Variants in PTK2 observed in about 807,000 individuals in gnomAD.
PTK2 encodes the protein focal adhesion kinase 1.
A neutral mutation model predicts 150.1 loss-of-function variants in PTK2; 45 were observed. The observed-to-expected ratio is 0.30, with a 90% confidence interval of 0.24 to 0.38. The LOEUF (loss-of-function observed/expected upper bound fraction) is 0.38, where lower values mean the gene tolerates loss of function less well. PTK2 is among the 10% of genes least tolerant of loss of function. PTK2 has a pLI of 1.00. For synonymous variants in PTK2, 432 were observed against 449.2 expected (o/e 0.96, Z 0.48); for missense variants, 919 against 1,307.3 (o/e 0.70, Z 4.58).
At chr8:140,730,545 G>T (rs1225686561) in intron 22 of PTK2, among the ~76,000 whole-genome samples, 1 of 152,196 alleles carries the variant, frequency 6.6e-6, no homozygotes, top group East Asian at 1.9e-4. Flanking sequence ...GATTTCTGGG[G>T]TGCTGGTAGT....
At chr8:140,802,538 T>C (rs1205336212) in intron 11 of PTK2, among the ~76,000 whole-genome samples, 1 of 152,158 alleles carries the variant, frequency 6.6e-6, no homozygotes, top group Non-Finnish European at 1.5e-5. Context: ...GTATATGGTG[T>C]GTACAGTGTT....
chr8:140,674,110 A>C (rs113795046), intron 29 of PTK2, 188 bp downstream of exon 32: 3 of 749,542 alleles, frequency 4.0e-6, no homozygotes. Flanking sequence ...GTTTGCATAA[A>C]GCTTTTCCCT....
chr8:140,996,533 C>A (rs2100197849), intron 1 of PTK2, among the ~76,000 whole-genome samples: 1 of 152,178 alleles, frequency 6.6e-6, no homozygotes, highest in South Asian at 2.1e-4. Flanking sequence ...TGGGCTGACT[C>A]TCGTTAGGGG....
chr8:140,849,889 C>T (rs1423779946), intron 5 of PTK2, among the ~76,000 whole-genome samples: 1 of 152,216 alleles, frequency 6.6e-6, no homozygotes, highest in Admixed American at 6.5e-5. Context: ...TTTGTACCTA[C>T]TACTTGTCAA....
chr8:140,676,765 TAAAAAA>T lies in PTK2; in HGVS notation c.2563-1272_2563-1267del, dbSNP rs869199304. ...ACATGGTGAAACCCCGTCTCTACTT[TAAAAAA>T]AAAAAAAAAAAAAAAAAATAGCCAG... On this transcript the variant is annotated intron_variant, in intron 27 of 31. Transcript: ENST00000522684. Among the ~76,000 whole-genome samples, 7 of 55,570 alleles carry T rather than the reference TAAAAAA, an allele frequency of 1.3e-4. No individual in the cohort carries two copies. The South Asian group carries it at 3.5e-3, about 27-fold the overall frequency. 36.5% of individuals were successfully genotyped at this position (55,570 alleles called of 152,430 possible).
chr8:140,951,430 A>ACTT, intron 1 of PTK2, among the ~76,000 whole-genome samples: 1 of 152,316 alleles, frequency 6.6e-6, no homozygotes, highest in East Asian at 1.9e-4. Flanking sequence ...AATGGATTGG[A>ACTT]AGCCAGACTT....
At chr8:140,846,514 G>A (rs776166472) in intron 6 of PTK2, 85 bp downstream of exon 6, 2 of 1,243,462 alleles carry the variant, frequency 1.6e-6, no homozygotes, top group African/African-American at 3.0e-5. Context: ...TAATCCTTAT[G>A]AAGAAAAGGA....
intron 26 of PTK2, among the ~76,000 whole-genome samples, chr8:140,696,783 CTG>C (rs1211105671): frequency 2.0e-5 from 3 of 152,142 alleles, no homozygotes. Context: ...TCAGTCAACA[CTG>C]ACAGCTTTCC....
chr8:140,659,631 G>C, exon 32 of PTK2: 1 of 1,614,200 alleles, frequency 6.2e-7, no homozygotes, highest in African/African-American at 1.3e-5. Flanking sequence ...TCATCTTGTT[G>C]ATGAGCTCAC....
chr8:140,892,738 C>G, intron 2 of PTK2: 2 of 311,818 alleles, frequency 6.4e-6, no homozygotes, highest in Non-Finnish European at 1.2e-5. Context: ...CCATGTATCA[C>G]AGTAAAAAGC....
At chr8:140,912,901 G>A (rs1031151127) in intron 2 of PTK2, among the ~76,000 whole-genome samples, 7 of 151,984 alleles carry the variant, frequency 4.6e-5, no homozygotes, top group East Asian at 1.9e-4. Flanking sequence ...AGCCGAGATC[G>A]TGCCACTGCA....
chr8:140,669,930 T>G (rs2094626342), intron 29 of PTK2, 195 bp from the exon 33 acceptor site: 1 of 631,084 alleles, frequency 1.6e-6, no homozygotes, highest in Non-Finnish European at 2.8e-6. Flanking sequence ...TGCCACCTGC[T>G]CACTGCCCCA....
intron 20 of PTK2, among the ~76,000 whole-genome samples, chr8:140,741,644 C>T (rs2100055738): frequency 6.6e-6 from 1 of 152,036 alleles, no homozygotes; most frequent in South Asian, 2.1e-4. Flanking sequence ...AAGAAAGAAA[C>T]TGGCCTTTGT....
intron 10 of PTK2, among the ~76,000 whole-genome samples, chr8:140,817,934 T>G (rs989660474): frequency 6.6e-6 from 1 of 152,166 alleles, no homozygotes; most frequent in South Asian, 2.1e-4. Flanking sequence ...AGAGGCTGTT[T>G]CAAAGGGTAA....
At chr8:140,761,480 C>G (rs527792713) in intron 15 of PTK2, among the ~76,000 whole-genome samples, 1 of 152,052 alleles carries the variant, frequency 6.6e-6, no homozygotes, top group Non-Finnish European at 1.5e-5. Flanking sequence ...ACAATGAGTT[C>G]TACTAAAGGT....
chr8:140,848,285 T>C (rs140555217), intron 5 of PTK2, among the ~76,000 whole-genome samples: 1 of 152,236 alleles, frequency 6.6e-6, no homozygotes, highest in African/African-American at 2.4e-5. Flanking sequence ...ACTAAAAAAG[T>C]ATGAACATTT....
intron 2 of PTK2, among the ~76,000 whole-genome samples, chr8:140,917,422 A>G (rs2100165718): frequency 6.6e-6 from 1 of 152,074 alleles, no homozygotes; most frequent in South Asian, 2.1e-4. Flanking sequence ...AAAGGAAAGG[A>G]AAAAGGAAAG....
intron 1 of PTK2, among the ~76,000 whole-genome samples, chr8:140,949,050 G>A (rs1013502908): frequency 6.6e-6 from 1 of 150,638 alleles, no homozygotes; most frequent in Non-Finnish European, 1.5e-5. Flanking sequence ...CTCCTCCTCA[G>A]CCTACTCAAC....
Position 140,995,917 on chromosome 8 carries a change from A to G in PTK2, c.-122+5208T>C, listed in dbSNP as rs150541907. Reference sequence around the variant, plus strand: ...TGCTACTTCAGTGAACACGCAAATGATAAGAAAGTAAAACAGCCTTAGCCG... The same window carrying G: ...TGCTACTTCAGTGAACACGCAAATGGTAAGAAAGTAAAACAGCCTTAGCCG... On this transcript the variant is annotated intron_variant, in intron 1 of 31. Coordinates refer to ENST00000522684, the Ensembl canonical transcript of PTK2. 5.3e-5 allele frequency among the ~76,000 whole-genome samples: 8 copies of G among 152,332 alleles called. No homozygotes were observed. The East Asian group carries it at 1.5e-3, about 29-fold the overall frequency.
Sources: gnomAD v4.1 joint callset for allele counts (sites outside exome capture counted in the v4.1 genomes callset) on GRCh38, gnomAD v4.1.1 for gene constraint, MANE v1.5 for transcripts, NCBI Gene and HGNC (gene_info 2026-07-23, HGNC 2026-07-21) for gene names.